The following GAB1 variants were observed in gnomAD, a reference collection of about 807,000 sequenced individuals.
GAB1 encodes GRB2 associated binding protein 1, also known as GRB2-associated-binding protein 1.
A neutral mutation model predicts 66.5 loss-of-function variants in GAB1; 19 were observed. The observed-to-expected ratio is 0.29, with a 90% confidence interval of 0.20 to 0.42. The LOEUF is 0.42. GAB1 is among the 10% of genes least tolerant of loss of function. The pLI is 1.00. For synonymous variants in GAB1, 294 were observed against 301.4 expected, an observed-to-expected ratio of 0.98 and a Z score of 0.25; for missense variants, 732 against 858.5, an observed-to-expected ratio of 0.85 and a Z score of 1.84.
intron 1 of GAB1, among the ~76,000 whole-genome samples, chr4:143,352,724 G>A (rs971640219): frequency 1.1e-4 from 17 of 152,176 alleles, no homozygotes; most frequent in African/African-American, 3.9e-4. Context: ...GAGAAATCCT[G>A]AGTTGGGCAT....
chr4:143,346,927 C>T (rs755840615), intron 1 of GAB1, among the ~76,000 whole-genome samples: 7 of 152,142 alleles, frequency 4.6e-5, no homozygotes, highest in Non-Finnish European at 1.0e-4. Flanking sequence ...TGCTGTTGAA[C>T]GGTATTATTT....
intron 5 of GAB1, 82 bp downstream of exon 5, chr4:143,439,969 T>C (rs1258657020): frequency 2.1e-6 from 3 of 1,397,216 alleles, no homozygotes; most frequent in African/African-American, 1.4e-5. Context: ...CTAAGTGATA[T>C]CATGAAATAA....
chr4:143,439,278 A>G (rs1311762285), intron 4 of GAB1, among the ~76,000 whole-genome samples: 1 of 152,218 alleles, frequency 6.6e-6, no homozygotes, highest in Non-Finnish European at 1.5e-5. Flanking sequence ...ATAGAAAGCT[A>G]AAGTTTTTAA....
At chr4:143,413,065 T>C (rs1017164194) in intron 1 of GAB1, among the ~76,000 whole-genome samples, 3 of 152,198 alleles carry the variant, frequency 2.0e-5, no homozygotes, top group Non-Finnish European at 4.4e-5. Flanking sequence ...TAAAGCATTT[T>C]AGAAAGATTT....
chr4:143,432,275 A>C (rs1733698686), intron 2 of GAB1, among the ~76,000 whole-genome samples: 2 of 152,194 alleles, frequency 1.3e-5, no homozygotes, highest in Admixed American at 1.3e-4. Flanking sequence ...CTGAAGACAA[A>C]AAGGCTTAGA....
intron 6 of GAB1, among the ~76,000 whole-genome samples, chr4:143,455,000 G>A (rs1211901683): frequency 6.6e-6 from 1 of 151,838 alleles, no homozygotes; most frequent in Non-Finnish European, 1.5e-5. Flanking sequence ...GACCCTCCAT[G>A]TAATTTTTCA....
At chr4:143,367,274 T>C (rs201618924) in intron 1 of GAB1, among the ~76,000 whole-genome samples, 1 of 53,104 alleles carries the variant, frequency 1.9e-5, no homozygotes, top group African/African-American at 7.4e-5. Context: ...TGATCTAATG[T>C]TGTGCATGTA....
chr4:143,418,689 T>TA (rs1300224682), intron 2 of GAB1, among the ~76,000 whole-genome samples: 1 of 152,190 alleles, frequency 6.6e-6, no homozygotes, highest in Admixed American at 6.5e-5. Flanking sequence ...TCTCTTACTT[T>TA]TTTTTACAAT....
At chr4:143,432,507 A>G (rs952266972) in intron 2 of GAB1, among the ~76,000 whole-genome samples, 1 of 152,178 alleles carries the variant, frequency 6.6e-6, no homozygotes, top group Admixed American at 6.5e-5. Flanking sequence ...GCAAAGCGAG[A>G]TGGGGTCTTT....
Position 143,441,628 on chromosome 4 carries a change from GCT to G in GAB1, c.1585+1253_1585+1254del, listed in dbSNP as rs749731482. 7.2e-5 allele frequency among the ~76,000 whole-genome samples: 11 copies of G among 151,994 alleles called. No individual in the cohort carries two copies. The East Asian group carries it at 1.7e-3, about 24-fold the overall frequency. ...TTCTAGGGGACTGTTGCTGTGTCCT[GCT>G]CTCTCTGTGCATTTCTGTTTTATGG... On this transcript the variant is annotated intron_variant, in intron 6 of 9. Coordinates refer to ENST00000262994, the MANE Select transcript of GAB1 (RefSeq NM_002039.4).
intron 1 of GAB1, among the ~76,000 whole-genome samples, chr4:143,359,274 C>T (rs1729567003): frequency 6.6e-6 from 1 of 152,172 alleles, no homozygotes; most frequent in African/African-American, 2.4e-5. Flanking sequence ...TGAGATGTAG[C>T]ATGCTGGATC....
chr4:143,414,984 C>G (rs943001150), intron 1 of GAB1, among the ~76,000 whole-genome samples: 1 of 152,144 alleles, frequency 6.6e-6, no homozygotes, highest in Non-Finnish European at 1.5e-5. Context: ...TCCCACCCCT[C>G]CCCCTCCGCA....
chr4:143,358,118 T>G (rs1449345969), intron 1 of GAB1, among the ~76,000 whole-genome samples: 1 of 152,192 alleles, frequency 6.6e-6, no homozygotes, highest in Non-Finnish European at 1.5e-5. Context: ...ATATATTTTA[T>G]ACGTTGTGTG....
chr4:143,350,341 G>C (rs1214366867), intron 1 of GAB1, among the ~76,000 whole-genome samples: 3 of 152,132 alleles, frequency 2.0e-5, no homozygotes, highest in Non-Finnish European at 4.4e-5. Context: ...ATTTTGTCAT[G>C]TGGCACTGTT....
rs537719980 is a variant in GAB1, at chr4:143,379,302, T to C, written c.73-36175T>C. ...GAAGAGGACTTAGAGATACAAAAAA[T>C]AGAGTTTATTCATTCTGGAGCAGAG... On this transcript the variant is annotated intron_variant, in intron 1 of 9. Coordinates refer to ENST00000262994, the MANE Select transcript of GAB1 (RefSeq NM_002039.4). Among the ~76,000 whole-genome samples the C allele has an allele frequency of 1.4e-4, 21 of 152,184 alleles. No individual in the cohort carries two copies. The South Asian group carries it at 3.9e-3, about 29-fold the overall frequency.
At chr4:143,382,823 T>C (rs1193019505) in intron 1 of GAB1, among the ~76,000 whole-genome samples, 2 of 152,148 alleles carry the variant, frequency 1.3e-5, no homozygotes, top group Non-Finnish European at 1.5e-5. Context: ...GACCCTGTTA[T>C]GCTTTATGAT....
At chr4:143,394,176 A>G (rs1246115462) in intron 1 of GAB1, among the ~76,000 whole-genome samples, 1 of 152,178 alleles carries the variant, frequency 6.6e-6, no homozygotes, top group African/African-American at 2.4e-5. Flanking sequence ...CAGGAGGCTG[A>G]GTCAGGAGAA....
chr4:143,413,218 CT>C (rs1213947736), intron 1 of GAB1, among the ~76,000 whole-genome samples: 2 of 152,100 alleles, frequency 1.3e-5, no homozygotes. Context: ...TTTTGCTTTA[CT>C]TCTGCATTAC....
intron 2 of GAB1, among the ~76,000 whole-genome samples, chr4:143,422,556 C>T: frequency 6.6e-6 from 1 of 152,170 alleles, no homozygotes; most frequent in Admixed American, 6.5e-5. Flanking sequence ...AACTCTTCTA[C>T]CATTTGGGGT....
Sources: gnomAD v4.1 joint callset for allele counts (sites outside exome capture counted in the v4.1 genomes callset) on GRCh38, gnomAD v4.1.1 for gene constraint, MANE v1.5 for transcripts, NCBI Gene and HGNC (gene_info 2026-07-23, HGNC 2026-07-21) for gene names.